The following GSG1L variants were observed in gnomAD, a reference collection of about 807,000 sequenced individuals.
The protein encoded by GSG1L is germ cell-specific gene 1-like protein.
Under a neutral mutation model 42.1 loss-of-function variants are expected in GSG1L, and 24 were observed. That is an observed-to-expected ratio of 0.57 (90% CI 0.41 to 0.80). The LOEUF is 0.80. Ranked by LOEUF, GSG1L falls within the 30% of genes least tolerant of loss-of-function variation. The pLI, the probability that GSG1L is intolerant of heterozygous loss-of-function variation, is 0.00. For missense variants in GSG1L, 445 were observed against 472.2 expected, an observed-to-expected ratio of 0.94 and a Z score of 0.53; for synonymous variants, 215 against 203.5, an observed-to-expected ratio of 1.06 and a Z score of -0.48.
rs938098242 is a variant in GSG1L, at chr16:27,884,354, G to A, written c.550+132C>T. ...TATGCATTGGTCATTTTTTACAAAC[G>A]ATAAAACTGAGGCTCACAGAAGAGA... On this transcript the variant is annotated intron_variant, in intron 3 of 6. Coordinates refer to ENST00000447459, the MANE Select transcript of GSG1L (RefSeq NM_001109763.2). The surrounding 1 kb of genome is among the most constrained non-coding windows in gnomAD (Gnocchi z 4.4). The A allele has an allele frequency of 2.6e-5, 21 of 809,200 alleles. No homozygotes were observed. Among genetic ancestry groups the A allele is most frequent in the Admixed American group, 5.9e-5 (2 of 34,150 alleles). 50.1% of individuals were successfully genotyped at this position (809,200 alleles called of 1,614,324 possible).
chr16:27,952,805 T>C (rs932550948), intron 2 of GSG1L, among the ~76,000 whole-genome samples: 1 of 152,378 alleles, frequency 6.6e-6, no homozygotes, highest in Non-Finnish European at 1.5e-5. Context: ...CACAGAAAAC[T>C]GCATATATCC....
chr16:27,818,412 G>A (rs1405894928), intron 5 of GSG1L, among the ~76,000 whole-genome samples: 1 of 152,140 alleles, frequency 6.6e-6, no homozygotes, highest in Non-Finnish European at 1.5e-5. Context: ...TGAGCCGCGT[G>A]AAGGCTCTGA....
chr16:27,927,541 A>T (rs768912645), intron 2 of GSG1L, among the ~76,000 whole-genome samples: 7 of 151,988 alleles, frequency 4.6e-5, no homozygotes, highest in Non-Finnish European at 8.8e-5. Flanking sequence ...CTCCAGCCAC[A>T]CAAGCCCTCC....
At chr16:28,051,992 G>A (rs367754239) in intron 1 of GSG1L, among the ~76,000 whole-genome samples, 10 of 152,262 alleles carry the variant, frequency 6.6e-5, no homozygotes, top group East Asian at 3.9e-4. Flanking sequence ...CCAGGGGGGC[G>A]GAGGAGACGG....
intron 3 of GSG1L, among the ~76,000 whole-genome samples, chr16:27,849,603 T>A (rs2083484496): frequency 1.3e-5 from 2 of 152,300 alleles, no homozygotes; most frequent in Middle Eastern, 3.4e-3. Flanking sequence ...AGTGGTGCAA[T>A]CATAGCTCAC....
intron 5 of GSG1L, among the ~76,000 whole-genome samples, chr16:27,812,850 G>C (rs1244190703): frequency 3.9e-5 from 6 of 152,026 alleles, no homozygotes; most frequent in Non-Finnish European, 7.4e-5. Context: ...GTGAAGTGGT[G>C]CGATCTCAGC....
rs545371916 is a variant in GSG1L, at chr16:27,946,022, C to A, written c.397+17134G>T. 6.6e-5 allele frequency among the ~76,000 whole-genome samples: 10 copies of A among 152,342 alleles called. No individual in the cohort carries two copies. The East Asian group carries it at 1.4e-3, about 21-fold the overall frequency. On this transcript the variant is annotated intron_variant, in intron 2 of 6. Transcript: ENST00000447459. Reference sequence around the variant, plus strand: ...GGCCTCCCCGCCAGGTCAGAACACACAGCAAAGCAGACCAAAGAAATTCCT... The same window carrying A: ...GGCCTCCCCGCCAGGTCAGAACACAAAGCAAAGCAGACCAAAGAAATTCCT...
At position 28,044,842 on chromosome 16, in the gene GSG1L, C is replaced by T. The variant is rs868465807; in HGVS notation, c.349+18234G>A. ...GTTTTGCCATGTTGGCCAGGCTGGT[C>T]TTGAACTCCTGACCTCAGGTGATCT... On this transcript the variant is annotated intron_variant, in intron 1 of 6. Transcript: ENST00000447459. Among the ~76,000 whole-genome samples the T allele has an allele frequency of 7.9e-5, 12 of 152,174 alleles. No individual in the cohort carries two copies. The Middle Eastern group carries it at 0.01, about 129-fold the overall frequency.
chr16:27,815,916 A>G (rs1039977720), intron 5 of GSG1L, among the ~76,000 whole-genome samples: 1 of 152,160 alleles, frequency 6.6e-6, no homozygotes, highest in Admixed American at 6.5e-5. Context: ...ATGAGCTATG[A>G]TTGCACCACT....
intron 1 of GSG1L, among the ~76,000 whole-genome samples, chr16:28,027,024 G>A (rs2085907970): frequency 2.0e-5 from 3 of 152,242 alleles, no homozygotes; most frequent in Admixed American, 2.0e-4. Context: ...GGAGGTTGCA[G>A]TGAGTCGAAA....
chr16:27,938,704 A>C (rs1692263445), intron 2 of GSG1L, among the ~76,000 whole-genome samples: 1 of 152,244 alleles, frequency 6.6e-6, no homozygotes, highest in Non-Finnish European at 1.5e-5. Context: ...GTTCAGGACA[A>C]GAGTAAGAAG....
intron 1 of GSG1L, among the ~76,000 whole-genome samples, chr16:27,986,692 C>G (rs866971993): frequency 6.6e-6 from 1 of 152,132 alleles, no homozygotes; most frequent in African/African-American, 2.4e-5. Context: ...TTGCACTGTC[C>G]GTGGTGCTTC....
intron 2 of GSG1L, among the ~76,000 whole-genome samples, chr16:27,899,081 A>T (rs988973056): frequency 6.6e-6 from 1 of 152,212 alleles, no homozygotes; most frequent in African/African-American, 2.4e-5. Context: ...AGGCTCGGGG[A>T]GGAGGCTGGC....
chr16:27,883,881 T>G (rs1045705509), intron 3 of GSG1L, among the ~76,000 whole-genome samples: 1 of 152,220 alleles, frequency 6.6e-6, no homozygotes, highest in African/African-American at 2.4e-5. Flanking sequence ...TATGATGCAG[T>G]TGACTGTCCC....
intron 2 of GSG1L, among the ~76,000 whole-genome samples, chr16:27,930,351 C>T (rs965126217): frequency 6.6e-6 from 1 of 152,338 alleles, no homozygotes; most frequent in Non-Finnish European, 1.5e-5. Flanking sequence ...GCGAGGCCCC[C>T]CTAGACTGTT....
chr16:28,002,431 G>T (rs1013404457), intron 1 of GSG1L, among the ~76,000 whole-genome samples: 2 of 152,126 alleles, frequency 1.3e-5, no homozygotes, highest in Non-Finnish European at 2.9e-5. Flanking sequence ...GACTAGCCTG[G>T]GCAACGTGGC....
intron 2 of GSG1L, among the ~76,000 whole-genome samples, chr16:27,914,814 G>A (rs2084433370): frequency 1.3e-5 from 2 of 152,104 alleles, no homozygotes; most frequent in South Asian, 4.1e-4. Context: ...ATACAACCAG[G>A]CTGATAGGTC....
At chr16:27,952,070 A>G (rs2084956381) in intron 2 of GSG1L, among the ~76,000 whole-genome samples, 1 of 152,244 alleles carries the variant, frequency 6.6e-6, no homozygotes, top group Admixed American at 6.5e-5. Flanking sequence ...ATGACTTAAA[A>G]TACAGTTCAA....
chr16:27,999,903 A>G (rs2085563762), intron 1 of GSG1L, among the ~76,000 whole-genome samples: 1 of 152,166 alleles, frequency 6.6e-6, no homozygotes, highest in Non-Finnish European at 1.5e-5. Context: ...CTCATATCCC[A>G]TTGGCCAGAC....
Sources: gnomAD v4.1 joint callset for allele counts (sites outside exome capture counted in the v4.1 genomes callset) on GRCh38, gnomAD v4.1.1 for gene constraint, Gnocchi (gnomAD v3.1) non-coding constraint, MANE v1.5 for transcripts, NCBI Gene and HGNC (gene_info 2026-07-23, HGNC 2026-07-21) for gene names.